The following AGAP1 variants were observed in gnomAD, a reference collection of about 807,000 sequenced individuals.
AGAP1 encodes ArfGAP with GTPase domain, ankyrin repeat and PH domain 1.
A neutral mutation model predicts 105.3 loss-of-function variants in AGAP1; 29 were observed. The observed-to-expected ratio is 0.28, with a 90% CI of 0.21 to 0.38. The LOEUF is 0.38. Among genes scored for constraint, AGAP1 ranks in the 10% least tolerant of loss-of-function variants. The pLI, the probability that AGAP1 is intolerant of heterozygous loss-of-function variation, is 1.00. For missense variants in AGAP1, 998 were observed against 1,165.1 expected (o/e 0.86, Z 2.09); for synonymous variants, 509 against 485.9 (o/e 1.05, Z -0.63).
rs551993769 is a variant in AGAP1 at position 235,865,383 on chromosome 2, G to A, written c.1051-17962G>A. On this transcript the variant is annotated intron_variant, in intron 9 of 17. Transcript: ENST00000304032. The surrounding 1 kb of genome is among the most constrained non-coding windows in gnomAD (Gnocchi z 6.2). ...CGCAGCCTTGGGTTCCGCAAATAGGGCACCCACAGTAACACGTGTGGCGCC... is the reference window on the plus strand; with the variant it reads ...CGCAGCCTTGGGTTCCGCAAATAGGACACCCACAGTAACACGTGTGGCGCC... 2.0e-5 allele frequency among the ~76,000 whole-genome samples: 3 copies of A among 152,322 alleles called. No individual in the cohort carries two copies. In the South Asian group the frequency reaches 6.2e-4, roughly 32 times the overall value.
In AGAP1 at chr2:235,875,905, C is replaced by T. The variant is rs928546712; in HGVS notation, c.1051-7440C>T. Among the ~76,000 whole-genome samples the T allele has an allele frequency of 2.8e-4, 42 of 152,184 alleles. No individual in the cohort carries two copies. The highest frequency in any genetic ancestry group is 9.7e-4 in the African/African-American group (40 of 41,442). On this transcript the variant is annotated intron_variant, in intron 9 of 17. Transcript: ENST00000304032. The surrounding 1 kb of genome is among the most constrained non-coding windows in gnomAD (Gnocchi z 4.0). ...ATGTCTTTTTATTTCATTTTAAAAA[C>T]TCAATGCATTGTTTGTTTATATTTA...
In AGAP1 at chr2:235,982,473, G is replaced by T. The variant is rs2125412904; in HGVS notation, c.1645+13850G>T. The stretch of plus-strand genomic sequence containing the variant: ...GGGACGATTCATGCAATGAGGCACT[G>T]CTGTTGTGGGGTGTTGGTTTGAAGA... On this transcript the variant is annotated intron_variant, in intron 13 of 17. Transcript: ENST00000304032. The surrounding 1 kb of genome is among the most constrained non-coding windows in gnomAD (Gnocchi z 4.9). Among the ~76,000 whole-genome samples the T allele has an allele frequency of 6.6e-6, 1 of 152,318 alleles. No homozygotes were observed.
chr2:235,691,707 G>T lies in AGAP1; in HGVS notation c.164-17472G>T, dbSNP rs1949741572. 6.6e-6 allele frequency among the ~76,000 whole-genome samples: 1 copy of T among 152,208 alleles called. No homozygotes were observed. The highest frequency in any genetic ancestry group is 1.5e-5 in the Non-Finnish European group (1 of 68,042). On this transcript the variant is annotated intron_variant, in intron 1 of 17. Transcript: ENST00000304032. This position sits in a 1 kb window ranked among gnomAD's most constrained non-coding sequence, Gnocchi z 4.4. ...AGGCTGCAAGCTGGGGAACTGAGGG[G>T]CCTCTTGGTCTGGGGACCACGCCTC... is the stretch of plus-strand genomic sequence containing the variant.
intron 1 of AGAP1, among the ~76,000 whole-genome samples, chr2:235,508,060 C>T (rs947208327): frequency 6.6e-6 from 1 of 152,110 alleles, no homozygotes; most frequent in Admixed American, 6.5e-5. Context: ...TCCGCTGGTT[C>T]GCTTATGATA....
chr2:235,562,593 C>G (rs60836089), intron 1 of AGAP1, among the ~76,000 whole-genome samples: 2 of 152,062 alleles, frequency 1.3e-5, no homozygotes, highest in East Asian at 3.9e-4. Context: ...AGGACTATCT[C>G]TGAGTCCTTC....
chr2:235,740,864 C>A lies in AGAP1; in HGVS notation c.311-99C>A. ...AAATACTCAGTTGCCTCCAGGGCGA[C>A]AGCCTAGGGTGTATTTTTCCACAAG... On this transcript the variant is annotated intron_variant, in intron 3 of 17. Coordinates refer to ENST00000304032, the MANE Select transcript of AGAP1 (RefSeq NM_001037131.3). The surrounding 1 kb of genome is among the most constrained non-coding windows in gnomAD (Gnocchi z 5.7). The A allele has an allele frequency of 7.0e-7, 1 of 1,418,514 alleles. No homozygotes were observed. Among genetic ancestry groups the A allele is most frequent in the Non-Finnish European group, 9.8e-7 (1 of 1,023,436 alleles). The allele number at this position is 1,418,514 out of a possible 1,614,324, so 87.9% of individuals were successfully genotyped here. A position where few individuals can be genotyped will look rare whatever the true frequency, so the allele number is the denominator to read the frequency against.
At chr2:235,810,035 C>T (rs1022489820) in intron 9 of AGAP1, among the ~76,000 whole-genome samples, 1 of 152,184 alleles carries the variant, frequency 6.6e-6, no homozygotes, top group African/African-American at 2.4e-5. Flanking sequence ...GGCCTCTCTG[C>T]CCCTATGTCT....
intron 8 of AGAP1, among the ~76,000 whole-genome samples, chr2:235,804,666 T>C (rs2150079842): frequency 6.6e-6 from 1 of 152,372 alleles, no homozygotes; most frequent in African/African-American, 2.4e-5. Context: ...GTTAAACATT[T>C]TTGTAAAGAA....
chr2:236,024,987 T>G (rs1173523087), intron 13 of AGAP1, among the ~76,000 whole-genome samples: 1 of 152,248 alleles, frequency 6.6e-6, no homozygotes, highest in Admixed American at 6.5e-5. Context: ...TGGGAAACAG[T>G]ACACCGTCTG....
At chr2:236,007,892 G>A (rs2056377442) in intron 13 of AGAP1, among the ~76,000 whole-genome samples, 1 of 152,254 alleles carries the variant, frequency 6.6e-6, no homozygotes, top group African/African-American at 2.4e-5. Flanking sequence ...CAGGGGACCT[G>A]AGGCTGCTCC....
rs1481100663 is a variant in AGAP1, at chr2:235,505,397, TGTGTGGATTTCTCTGG to T, written c.163+10549_163+10564del. On this transcript the variant is annotated intron_variant, in intron 1 of 17. Coordinates refer to ENST00000304032, the MANE Select transcript of AGAP1 (RefSeq NM_001037131.3). ...GGATTGAGTGAGGGCAGTGTGTGCG[TGTGTGGATTTCTCTGG>T]TGGCTTTGCAATGGCAAATATTTAT... Among the ~76,000 whole-genome samples the T allele has an allele frequency of 2.6e-5, 4 of 152,124 alleles. No individual in the cohort carries two copies. The East Asian group carries it at 7.7e-4, about 29-fold the overall frequency.
intron 1 of AGAP1, among the ~76,000 whole-genome samples, chr2:235,703,718 C>T (rs556392053): frequency 6.6e-6 from 1 of 152,194 alleles, no homozygotes; most frequent in East Asian, 1.9e-4. Context: ...CTGCCTTAGC[C>T]TCCAAGTACC....
rs1480303874 is a variant in AGAP1, at chr2:235,615,633, T to G, written c.164-93546T>G. Among the ~76,000 whole-genome samples, 4 of 152,304 alleles carry G rather than the reference T, an allele frequency of 2.6e-5. No individual in the cohort carries two copies. The East Asian group carries it at 7.7e-4, about 29-fold the overall frequency. On this transcript the variant is annotated intron_variant, in intron 1 of 17. Coordinates refer to ENST00000304032, the MANE Select transcript of AGAP1 (RefSeq NM_001037131.3). This position sits in a 1 kb window ranked among gnomAD's most constrained non-coding sequence, Gnocchi z 5.0. ...CCTCTGCTCCCCTGACTTCACAGGA[T>G]AGCTATGCATTTTGCCTCTTGGGGA... is the stretch of plus-strand genomic sequence containing the variant.
intron 9 of AGAP1, among the ~76,000 whole-genome samples, chr2:235,808,654 G>T (rs182177831): frequency 6.6e-6 from 1 of 152,298 alleles, no homozygotes; most frequent in Middle Eastern, 3.4e-3. Context: ...CACAGGGCAC[G>T]CCTTTGCCAG....
At chr2:235,718,387 A>G in intron 3 of AGAP1, 4 of 985,660 alleles carry the variant, frequency 4.1e-6, no homozygotes, top group Non-Finnish European at 4.8e-6. Flanking sequence ...GCAGATATGG[A>G]TGCAGGTAAC....
At position 236,036,681 on chromosome 2, in the gene AGAP1, C is replaced by T. The variant is rs558257856; in HGVS notation, c.1766C>T (p.Ala589Val). Reference sequence around the variant, plus strand: ...CAAGCCATCGAGAGCCAGATCCTGGCCAGCCTGCAGTCGTGCGAGAGCAGC... The same window carrying T: ...CAAGCCATCGAGAGCCAGATCCTGGTCAGCCTGCAGTCGTGCGAGAGCAGC... ...WVQAIESQIL[A>V]SLQSCESSKN... The change falls in exon 14 of 18, where the codon GCC (alanine) becomes GTC (valine). Residue 589 changes from alanine (A) to valine (V), a missense_variant. Ala to Val is a moderately conservative substitution (Grantham distance 64). This residue lies in a region of AGAP1 where 735 missense variants were observed against 833.4 expected (regional missense o/e 0.88). Transcript: ENST00000304032. The surrounding 1 kb of genome is among the most constrained non-coding windows in gnomAD (Gnocchi z 5.7). The T allele has an allele frequency of 2.5e-6, 4 of 1,614,182 alleles. No individual in the cohort carries two copies. The South Asian group carries it at 3.3e-5, about 13-fold the overall frequency.
intron 10 of AGAP1, among the ~76,000 whole-genome samples, chr2:235,897,388 C>T (rs1043291399): frequency 8.2e-6 from 1 of 121,392 alleles, no homozygotes; most frequent in African/African-American, 3.1e-5. Flanking sequence ...GTAGATCCTA[C>T]CTAACCTATT....
In AGAP1 at chr2:235,934,411, C is replaced by CG. The variant is rs2052885070; in HGVS notation, c.1483+3490dup. The stretch of plus-strand genomic sequence containing the variant: ...TCTGTCTGCGCCGAGGGTACCATCC[C>CG]GGCGTCCCTCTGGTTCGCGTCATTC... On this transcript the variant is annotated intron_variant, in intron 12 of 17. Transcript: ENST00000304032. The surrounding 1 kb of genome is among the most constrained non-coding windows in gnomAD (Gnocchi z 4.9). 6.6e-6 allele frequency among the ~76,000 whole-genome samples: 1 copy of CG among 152,294 alleles called. No homozygotes were observed. The highest frequency in any genetic ancestry group is 3.4e-3 in the Middle Eastern group (1 of 294).
intron 1 of AGAP1, among the ~76,000 whole-genome samples, chr2:235,508,525 C>T (rs575182063): frequency 2.9e-4 from 44 of 152,240 alleles, no homozygotes; most frequent in African/African-American, 8.4e-4. Flanking sequence ...TTTATTCCCT[C>T]GCTGAGAGTT....
Sources: allele counts gnomAD v4.1 joint callset (sites outside exome capture counted in the v4.1 genomes callset), GRCh38; gene constraint gnomAD v4.1.1; regional missense constraint gnomAD v4.1.1; non-coding constraint Gnocchi (gnomAD v3.1); transcripts MANE v1.5; gene names NCBI Gene and HGNC (gene_info 2026-07-23, HGNC 2026-07-21).